Variants in TBC1D22A observed in about 807,000 individuals in gnomAD.
TBC1D22A encodes the protein TBC1 domain family member 22A.
Under a neutral mutation model 60.2 loss-of-function variants are expected in TBC1D22A, and 38 were observed. That is an observed-to-expected ratio of 0.63 (90% CI 0.49 to 0.83). The LOEUF (loss-of-function observed/expected upper bound fraction) is 0.83. Ranked by LOEUF, TBC1D22A falls within the 40% of genes least tolerant of loss-of-function variation. The pLI is 0.00. For missense variants in TBC1D22A, 628 were observed against 701.0 expected (o/e 0.90, Z 1.18); for synonymous variants, 302 against 281.7 (o/e 1.07, Z -0.72).
chr22:46,813,701 G>A (rs139579), intron 4 of TBC1D22A, among the ~76,000 whole-genome samples: 66,310 of 152,002 alleles, frequency 0.44, 15,331 homozygotes, highest in African/African-American at 0.6. Flanking sequence ...ACAGAGGAAC[G>A]AGTAATGAAT....
chr22:47,050,300 T>C (rs945392022), intron 11 of TBC1D22A, among the ~76,000 whole-genome samples: 1 of 152,206 alleles, frequency 6.6e-6, no homozygotes, highest in Admixed American at 6.5e-5. Flanking sequence ...CCACCGCGCC[T>C]GGCCGAGAGG....
chr22:46,891,318 A>G lies in TBC1D22A; in HGVS notation c.761A>G (p.Gln254Arg), dbSNP rs750046043. ...DRRPATLQRKQKEYFAFIEHY... is the reference protein window; with the variant it reads ...DRRPATLQRKRKEYFAFIEHY... Reference sequence around the variant, plus strand: ...AGACCAGCCACTCTCCAGAGAAAACAAAAAGAATATTTTGCATTTATTGAG... The same window carrying G: ...AGACCAGCCACTCTCCAGAGAAAACGAAAAGAATATTTTGCATTTATTGAG... The change falls in exon 6 of 13, where the codon CAA (glutamine) becomes CGA (arginine). Residue 254 changes from glutamine to arginine, a missense_variant. Transcript: ENST00000337137. The G allele has an allele frequency of 1.5e-5, 25 of 1,613,634 alleles. No homozygotes were observed. The South Asian group carries it at 2.0e-4, about 13-fold the overall frequency.
intron 11 of TBC1D22A, among the ~76,000 whole-genome samples, chr22:47,065,656 A>ACGAGGACTTAGCAGGCCTCGGAGTTG: frequency 1.4e-5 from 2 of 145,634 alleles, no homozygotes; most frequent in South Asian, 2.2e-4. Context: ...GGTTGGATTG[A>ACGAGGACTTAGCAGGCCTCGGAGTTG]GGGAGACCTG....
Position 47,173,663 on chromosome 22 carries a change from G to A in TBC1D22A, c.*37G>A, listed in dbSNP as rs752712336. The stretch of plus-strand genomic sequence containing the variant: ...CCCGCAGCTGGCCTCACTGTCCCGG[G>A]TGGCGCGCCCCACCTGCCTGGCTGG... On this transcript the variant is annotated 3_prime_UTR_variant, in exon 13 of 13. Coordinates refer to ENST00000337137, the MANE Select transcript of TBC1D22A (RefSeq NM_014346.5). 6.2e-7 allele frequency: 1 copy of A among 1,610,946 alleles called. No homozygotes were observed. The highest frequency in any genetic ancestry group is 8.5e-7 in the Non-Finnish European group (1 of 1,178,078).
rs73473689 is a variant in TBC1D22A, at chr22:47,089,520, G to A, written c.1330-21988G>A. ...ACACGTAGACGTACACACAGTCCATGCACACAGACATGTGCGCACAAAGGC... is the reference window on the plus strand; with the variant it reads ...ACACGTAGACGTACACACAGTCCATACACACAGACATGTGCGCACAAAGGC... On this transcript the variant is annotated intron_variant, in intron 11 of 12. Coordinates refer to ENST00000337137, the MANE Select transcript of TBC1D22A (RefSeq NM_014346.5). Among the ~76,000 whole-genome samples the A allele has an allele frequency of 8.8e-3, 1,346 of 152,300 alleles. 13 individuals carry two copies. The highest frequency in any genetic ancestry group is 0.031 in the African/African-American group (1,285 of 41,540).
rs970490885 is a variant in TBC1D22A at position 47,028,563 on chromosome 22, G to C, written c.1202-8508G>C. Among the ~76,000 whole-genome samples the C allele has an allele frequency of 1.3e-5, 2 of 151,954 alleles. No individual in the cohort carries two copies. The highest frequency in any genetic ancestry group is 2.9e-5 in the Non-Finnish European group (2 of 68,010). ...GTGAGTGGTCGCGTTCCTGTCCCTC[G>C]GTCCCTGTCCCCCACGGCCCAGGAA... On this transcript the variant is annotated intron_variant, in intron 10 of 12. Coordinates refer to ENST00000337137, the MANE Select transcript of TBC1D22A (RefSeq NM_014346.5). The surrounding 1 kb of genome is among the most constrained non-coding windows in gnomAD (Gnocchi z 4.4).
Position 47,170,840 on chromosome 22 carries a change from C to T in TBC1D22A, c.1426-2658C>T, listed in dbSNP as rs1204035049. ...GAGAGGGCAGTCCTGGTGTGTAACC[C>T]TCCTGATGCAGGACCGGAGAGAGGA... On this transcript the variant is annotated intron_variant, in intron 12 of 12. Transcript: ENST00000337137. Among the ~76,000 whole-genome samples, 195 of 135,690 alleles carry T rather than the reference C, an allele frequency of 1.4e-3. 60 individuals are homozygous for T. Among genetic ancestry groups the T allele is most frequent in the African/African-American group, 1.7e-3 (61 of 35,184 alleles). 89.0% of individuals were successfully genotyped at this position (135,690 alleles called of 152,430 possible). A position where few individuals can be genotyped will look rare whatever the true frequency, so the allele number is the denominator to read the frequency against.
At chr22:47,112,353 C>T (rs754295020) in intron 12 of TBC1D22A, among the ~76,000 whole-genome samples, 6 of 152,250 alleles carry the variant, frequency 3.9e-5, no homozygotes, top group Non-Finnish European at 7.3e-5. Context: ...CAGTGGGAAG[C>T]AGACCAGGCT....
chr22:47,010,821 GAAC>G (rs372858910), intron 10 of TBC1D22A, among the ~76,000 whole-genome samples: 2,333 of 148,234 alleles, frequency 0.016, 52 homozygotes, highest in African/African-American at 0.056. Flanking sequence ...GATGCATATA[GAAC>G]AACAACAACA....
At chr22:46,974,590 G>A (rs542429240) in intron 9 of TBC1D22A, among the ~76,000 whole-genome samples, 191 bp downstream of exon 9, 9 of 152,324 alleles carry the variant, frequency 5.9e-5, no homozygotes, top group East Asian at 1.9e-4. Flanking sequence ...TGTGCCCCTC[G>A]TTCTGGGCAC....
At chr22:46,884,894 G>A (rs545572795) in intron 5 of TBC1D22A, among the ~76,000 whole-genome samples, 15 of 152,320 alleles carry the variant, frequency 9.8e-5, no homozygotes, top group South Asian at 4.1e-4. Flanking sequence ...GGTGAGTGAC[G>A]AGTCTCGGCC....
intron 11 of TBC1D22A, among the ~76,000 whole-genome samples, chr22:47,097,503 A>G (rs567491408): frequency 6.6e-6 from 1 of 152,194 alleles, no homozygotes; most frequent in African/African-American, 2.4e-5. Flanking sequence ...TATCCCAGCT[A>G]CTTGGGAGGC....
At chr22:46,941,157 T>C (rs1330891410) in intron 8 of TBC1D22A, among the ~76,000 whole-genome samples, 1 of 110,440 alleles carries the variant, frequency 9.1e-6, no homozygotes, top group Non-Finnish European at 1.7e-5. Context: ...AGTCCACCCT[T>C]GAACAGCATG....
intron 4 of TBC1D22A, among the ~76,000 whole-genome samples, chr22:46,813,827 A>G (rs1321440461): frequency 6.6e-6 from 1 of 152,230 alleles, no homozygotes; most frequent in Non-Finnish European, 1.5e-5. Flanking sequence ...TCCTCAGCCC[A>G]GGACTGGGGC....
At chr22:47,100,250 T>TGCAAGGGTGAGGCCTCAGGGC (rs1271156668) in intron 11 of TBC1D22A, among the ~76,000 whole-genome samples, 6 of 147,668 alleles carry the variant, frequency 4.1e-5, no homozygotes, top group African/African-American at 1.5e-4. Context: ...GGCTGTGGAG[T>TGCAAGGGTGAGGCCTCAGGGC]GCAAGGGTGA....
chr22:46,874,778 T>C (rs1053932637), intron 4 of TBC1D22A, among the ~76,000 whole-genome samples: 3 of 152,174 alleles, frequency 2.0e-5, no homozygotes, highest in South Asian at 2.1e-4. Context: ...TTCACCATGT[T>C]GCCCAGGCTG....
chr22:46,886,786 C>A lies in TBC1D22A; in HGVS notation c.709-4480C>A, dbSNP rs371804664. The stretch of plus-strand genomic sequence containing the variant: ...AAGGCCTAGATAGTAAATATTTGAG[C>A]CTGTAGGCCATGTGGTCTCCTGTAG... On this transcript the variant is annotated intron_variant, in intron 5 of 12. Transcript: ENST00000337137. Among the ~76,000 whole-genome samples the A allele has an allele frequency of 9.1e-4, 139 of 152,304 alleles. 1 individual carries two copies. Among genetic ancestry groups the A allele is most frequent in the African/African-American group, 3.1e-3 (130 of 41,568 alleles).
intron 8 of TBC1D22A, among the ~76,000 whole-genome samples, chr22:46,912,517 AG>A (rs1264075624): frequency 2.0e-5 from 3 of 149,976 alleles, no homozygotes; most frequent in African/African-American, 7.6e-5. Context: ...TCAATCGATC[AG>A]TCATTCAGTC....
chr22:46,802,213 G>A (rs910864), intron 4 of TBC1D22A, among the ~76,000 whole-genome samples: 2,062 of 152,336 alleles, frequency 0.014, 53 homozygotes, highest in African/African-American at 0.043. Context: ...CACTGGGGAG[G>A]AATCGGCGGC....
Sources: allele counts gnomAD v4.1 joint callset (sites outside exome capture counted in the v4.1 genomes callset), GRCh38; gene constraint gnomAD v4.1.1; non-coding constraint Gnocchi (gnomAD v3.1); transcripts MANE v1.5; gene names NCBI Gene and HGNC (gene_info 2026-07-23, HGNC 2026-07-21).